Variants in MSRA observed in about 807,000 individuals in gnomAD.
MSRA encodes the protein methionine sulfoxide reductase A, also known as mitochondrial peptide methionine sulfoxide reductase.
MSRA carries 54 observed loss-of-function variants against 31.3 expected under a neutral mutation model. That is an observed-to-expected ratio of 1.73 (90% CI 1.39 to 2.17). The LOEUF is 2.17. Among genes scored for constraint, MSRA ranks in the 30% most tolerant of loss-of-function variants. MSRA has a pLI of 0.00. For synonymous variants in MSRA, 169 were observed against 116.5 expected (o/e 1.45, Z -2.90); for missense variants, 507 against 300.9 (o/e 1.69, Z -5.07).
chr8:10,316,632 G>A (rs59136359), intron 4 of MSRA, among the ~76,000 whole-genome samples: 5,995 of 146,054 alleles, frequency 0.041, 350 homozygotes, highest in African/African-American at 0.13. Flanking sequence ...ATGAAAGGAG[G>A]GCTGTCCATT....
chr8:10,108,286 A>G (rs1031876707), intron 1 of MSRA, among the ~76,000 whole-genome samples: 1 of 152,138 alleles, frequency 6.6e-6, no homozygotes, highest in African/African-American at 2.4e-5. Context: ...AGATCCTTTC[A>G]TGATTTCCCT....
chr8:10,086,762 A>G (rs1328210226), intron 1 of MSRA, among the ~76,000 whole-genome samples: 2 of 152,006 alleles, frequency 1.3e-5, no homozygotes, highest in African/African-American at 4.8e-5. Flanking sequence ...TAATAAATCA[A>G]TGAATGCAAG....
intron 5 of MSRA, among the ~76,000 whole-genome samples, chr8:10,347,089 C>T (rs772167704): frequency 6.6e-6 from 1 of 152,218 alleles, no homozygotes; most frequent in African/African-American, 2.4e-5. Flanking sequence ...TTGATCACAA[C>T]ACATGTCCCC....
At chr8:10,337,602 G>C (rs972078948) in intron 5 of MSRA, 2 of 658,708 alleles carry the variant, frequency 3.0e-6, no homozygotes, top group African/African-American at 3.6e-5. Context: ...TCTGGAAGTT[G>C]GTTAATTTTT....
chr8:10,334,021 GCCAT>G (rs975593428), intron 5 of MSRA, among the ~76,000 whole-genome samples: 2 of 152,032 alleles, frequency 1.3e-5, no homozygotes, highest in Non-Finnish European at 2.9e-5. Flanking sequence ...CCCCCTACCC[GCCAT>G]TCGTGTGGTC....
intron 5 of MSRA, among the ~76,000 whole-genome samples, chr8:10,402,933 A>G (rs1229430019): frequency 6.6e-6 from 1 of 152,218 alleles, no homozygotes; most frequent in Non-Finnish European, 1.5e-5. Context: ...AGAAACATAC[A>G]CCATGCCTAC....
chr8:10,405,912 G>C (rs1363566329), intron 5 of MSRA, among the ~76,000 whole-genome samples: 1 of 152,216 alleles, frequency 6.6e-6, no homozygotes, highest in African/African-American at 2.4e-5. Flanking sequence ...TGTACTCACA[G>C]TGCACACACA....
At chr8:10,310,752 A>AATC in intron 4 of MSRA, among the ~76,000 whole-genome samples, 1 of 152,320 alleles carries the variant, frequency 6.6e-6, no homozygotes, top group South Asian at 2.1e-4. Flanking sequence ...TCAGGGCTAA[A>AATC]ATCGAAGCCT....
At chr8:10,427,173 T>A (rs757492469) in intron 5 of MSRA, among the ~76,000 whole-genome samples, 9 of 152,204 alleles carry the variant, frequency 5.9e-5, no homozygotes, top group Non-Finnish European at 1.2e-4. Flanking sequence ...GGGTCCTGGC[T>A]CTGCTTTGCA....
chr8:10,159,102 A>T (rs1219443404), intron 1 of MSRA, among the ~76,000 whole-genome samples: 1 of 152,244 alleles, frequency 6.6e-6, no homozygotes, highest in South Asian at 2.1e-4. Context: ...GATGGATGGC[A>T]GCAGACAGGC....
At chr8:10,416,008 A>C in intron 5 of MSRA, among the ~76,000 whole-genome samples, 1 of 149,296 alleles carries the variant, frequency 6.7e-6, no homozygotes, top group African/African-American at 2.5e-5. Context: ...GGGAATTCTG[A>C]CCCTCTGGGT....
chr8:10,119,296 G>A (rs1030821269), intron 1 of MSRA, among the ~76,000 whole-genome samples: 4 of 152,202 alleles, frequency 2.6e-5, no homozygotes, highest in African/African-American at 4.8e-5. Context: ...GTCTTTGTCC[G>A]ACAGAAGACT....
At position 10,144,740 on chromosome 8, in the gene MSRA, CT is replaced by C. The variant is rs1002534674; in HGVS notation, c.143-63084del. ...TGTTGATCCAGTGTGTATCTCATGCCTTTTTTTTTCTCTTTGCCTAAATTAT... is the reference window on the plus strand; with the variant it reads ...TGTTGATCCAGTGTGTATCTCATGCCTTTTTTTTCTCTTTGCCTAAATTAT... On this transcript the variant is annotated intron_variant, in intron 1 of 5. Coordinates refer to ENST00000317173, the MANE Select transcript of MSRA (RefSeq NM_012331.5). Among the ~76,000 whole-genome samples the C allele has an allele frequency of 3.6e-4, 55 of 151,270 alleles. 2 individuals are homozygous for C. Among genetic ancestry groups the C allele is most frequent in the Admixed American group, 2.5e-3 (38 of 15,188 alleles).
At chr8:10,103,951 T>C (rs1362220494) in intron 1 of MSRA, among the ~76,000 whole-genome samples, 1 of 152,214 alleles carries the variant, frequency 6.6e-6, no homozygotes, top group Non-Finnish European at 1.5e-5. Flanking sequence ...AGCGTATACA[T>C]GTAGCCATAA....
At chr8:10,261,128 C>A (rs562091982) in intron 3 of MSRA, among the ~76,000 whole-genome samples, 2 of 151,696 alleles carry the variant, frequency 1.3e-5, no homozygotes, top group Non-Finnish European at 2.9e-5. Flanking sequence ...TAATAGTGTA[C>A]CCAAAAAAAA....
At chr8:10,178,348 G>A (rs906869521) in intron 1 of MSRA, among the ~76,000 whole-genome samples, 1 of 151,968 alleles carries the variant, frequency 6.6e-6, no homozygotes, top group African/African-American at 2.4e-5. Context: ...TCAGCACTTC[G>A]GGAGGCCTAG....
intron 4 of MSRA, among the ~76,000 whole-genome samples, chr8:10,308,691 C>G (rs1801273672): frequency 6.6e-6 from 1 of 152,220 alleles, no homozygotes; most frequent in African/African-American, 2.4e-5. Context: ...CATCCATGCT[C>G]ACTGTGCTTC....
rs372906730 is a variant in MSRA at position 10,054,657 on chromosome 8, G to C, written c.141G>C (p.Ala47=). The change falls in exon 1 of 6, where the codon GCG becomes GCC. Residue 47 remains alanine (A), a splice_region_variant and synonymous_variant. Transcript: ENST00000317173. ...GCCGGAAGGAACAGACCCCTGTAGCGGGTAAGCACTGGCCACACGGAAGGC... is the reference window on the plus strand; with the variant it reads ...GCCGGAAGGAACAGACCCCTGTAGCCGGTAAGCACTGGCCACACGGAAGGC... ...LPGRKEQTPV[A]AKHHVNGNRT... The C allele has an allele frequency of 3.2e-6, 5 of 1,548,962 alleles. No homozygotes were observed. In the Admixed American group the frequency reaches 9.6e-5, roughly 30 times the overall value.
intron 5 of MSRA, among the ~76,000 whole-genome samples, chr8:10,331,634 T>G (rs7830402): frequency 0.97 from 148,312 of 152,222 alleles, 72,381 homozygotes; most frequent in East Asian, 1. Flanking sequence ...ATGCTAATCT[T>G]TCAGGCATTT....
Sources: allele counts gnomAD v4.1 joint callset (sites outside exome capture counted in the v4.1 genomes callset), GRCh38; gene constraint gnomAD v4.1.1; transcripts MANE v1.5; gene names NCBI Gene and HGNC (gene_info 2026-07-23, HGNC 2026-07-21).